Variants in MUC3A observed in about 807,000 individuals in gnomAD.
The protein encoded by MUC3A is mucin 3A, cell surface associated.
Under a neutral mutation model 109.0 loss-of-function variants are expected in MUC3A, and 109 were observed. That is an observed-to-expected ratio of 1.00 (90% CI 0.86 to 1.17). The LOEUF is 1.17. Ranked by LOEUF, MUC3A falls within the 50% of genes most tolerant of loss-of-function variation. The probability of loss-of-function intolerance (pLI) is 0.00; values close to 1 mark genes in which losing one functional copy is unlikely to be tolerated. For missense variants in MUC3A, 3,537 were observed against 2,469.4 expected, an observed-to-expected ratio of 1.43 and a Z score of -9.16; for synonymous variants, 1,398 against 981.4, an observed-to-expected ratio of 1.42 and a Z score of -7.93.
chr7:100,951,701 T>C (rs1290708978), intron 1 of MUC3A, 140 bp from the exon 2 acceptor site: 5 of 1,320,730 alleles, frequency 3.8e-6, no homozygotes, highest in Non-Finnish European at 4.1e-6. Context: ...AAGCTGCCTC[T>C]GATGCAGGAG....
Position 100,966,399 on chromosome 7 carries a change from G to T in MUC3A, c.9625G>T (p.Asp3209Tyr), listed in dbSNP as rs774691556. The T allele has an allele frequency of 8.2e-6, 11 of 1,343,346 alleles. No homozygotes were observed. Among genetic ancestry groups the T allele is most frequent in the Non-Finnish European group, 1.0e-5 (11 of 1,053,474 alleles). 83.2% of individuals were successfully genotyped at this position (1,343,346 alleles called of 1,614,324 possible). A position where few individuals can be genotyped will look rare whatever the true frequency, so the allele number is the denominator to read the frequency against. Reference sequence around the variant, plus strand: ...GATCTCCCGCAGCTGCTACTCCACCGACACGCACTGGTTCTCTGGCCCGCG... The same window carrying T: ...GATCTCCCGCAGCTGCTACTCCACCTACACGCACTGGTTCTCTGGCCCGCG... ...SGPTCRCYST[D>Y]THWFSGPRCE... The change falls in exon 9 of 12, where the codon GAC (aspartate) becomes TAC (tyrosine). Residue 3209 changes from aspartate to tyrosine, a missense_variant. Asp to Tyr is a radical substitution (Grantham distance 160, BLOSUM62 -3). Transcript: ENST00000379458.
In MUC3A at chr7:100,965,851, G is replaced by A; in HGVS notation, c.9596G>A (p.Ser3199Asn). The change falls in exon 8 of 12, where the codon AGC becomes AAC. Residue 3199 changes from serine (S) to asparagine (N), a missense_variant. Physicochemically the swap from Ser to Asn is conservative, Grantham distance 46. Transcript: ENST00000379458. ...CAGGGCCAGTGCGTTCTGGAGACGA[G>A]CGGTCCCACGTGTCGGTAAGGCCCC... ...CHQGQCVLETSGPTCRCYSTD... is the reference protein window; with the variant it reads ...CHQGQCVLETNGPTCRCYSTD... 6.3e-7 allele frequency: 1 copy of A among 1,594,474 alleles called. No homozygotes were observed. Among genetic ancestry groups the A allele is most frequent in the East Asian group, 2.2e-5 (1 of 44,790 alleles).
In MUC3A at chr7:100,958,518, G is replaced by C. The variant is rs1792167301; in HGVS notation, c.6739G>C (p.Glu2247Gln). The C allele has an allele frequency of 4.7e-6, 6 of 1,287,388 alleles. No individual in the cohort carries two copies. Among genetic ancestry groups the C allele is most frequent in the Non-Finnish European group, 5.5e-6 (5 of 901,658 alleles). The allele number at this position is 1,287,388 out of a possible 1,614,324, so 79.7% of individuals were successfully genotyped here. A position where few individuals can be genotyped will look rare whatever the true frequency, so the allele number is the denominator to read the frequency against. ...PGFTSSITTT[E>Q]TTSHSTPSFT... ...CTTCACTTCTTCAATCACCACCACTGAGACTACATCCCACAGTACTCCCAG... is the reference window on the plus strand; with the variant it reads ...CTTCACTTCTTCAATCACCACCACTCAGACTACATCCCACAGTACTCCCAG... Residue 2247 changes from glutamate to glutamine, a missense_variant, in exon 2 of 12, where the codon GAG becomes CAG. Physicochemically the swap from Glu to Gln is conservative, Grantham distance 29. Transcript: ENST00000379458.
intron 1 of MUC3A, among the ~76,000 whole-genome samples, chr7:100,950,922 A>T (rs79702292): frequency 1.2e-5 from 1 of 84,348 alleles, no homozygotes; most frequent in Non-Finnish European, 2.7e-5. Context: ...CTGCCTCTTC[A>T]CCTAGTCCTC....
At chr7:100,966,034 C>CACT in intron 8 of MUC3A, 168 bp downstream of exon 8, 1 of 752,038 alleles carries the variant, frequency 1.3e-6, no homozygotes, top group Non-Finnish European at 1.7e-6. Context: ...GAGCCCTGCC[C>CACT]TGGAGCTCTG....
chr7:100,959,388 A>G lies in MUC3A; in HGVS notation c.7609A>G (p.Thr2537Ala), dbSNP rs769899195. Residue 2537 changes from threonine (T) to alanine (A), a missense_variant, in exon 2 of 12, where the codon ACC (threonine) becomes GCC (alanine). Thr to Ala is a moderately conservative substitution (Grantham distance 58). Coordinates refer to ENST00000379458, the MANE Select transcript of MUC3A (RefSeq NM_005960.2). ...SSSPSIQSTE[T>A]SSLVGTTSPT... ...TTCTCCCTCCATCCAAAGTACAGAA[A>G]CCTCATCCCTTGTGGGCACCACCTC... The G allele has an allele frequency of 4.6e-6, 7 of 1,536,572 alleles. No homozygotes were observed. The highest frequency in any genetic ancestry group is 1.4e-5 in the African/African-American group (1 of 73,160).
chr7:100,949,539 C>T lies in MUC3A; in HGVS notation c.-86C>T. The T allele has an allele frequency of 8.5e-7, 1 of 1,172,844 alleles. No individual in the cohort carries two copies. The highest frequency in any genetic ancestry group is 1.1e-6 in the Non-Finnish European group (1 of 904,962). 72.7% of individuals were successfully genotyped at this position (1,172,844 alleles called of 1,614,324 possible). On this transcript the variant is annotated 5_prime_UTR_variant, in exon 1 of 12. Coordinates refer to ENST00000379458, the MANE Select transcript of MUC3A (RefSeq NM_005960.2). ...CAGCAAAACCGATAACCAGCACTTT[C>T]ATTACGTGCACGCCCCAGGGCCACG...
rs79952768 is a variant in MUC3A at position 100,949,552 on chromosome 7, C to T, written c.-73C>T. On this transcript the variant is annotated 5_prime_UTR_variant, in exon 1 of 12. Coordinates refer to ENST00000379458, the MANE Select transcript of MUC3A (RefSeq NM_005960.2). ...AACCAGCACTTTCATTACGTGCACG[C>T]CCCAGGGCCACGTCCCTGCCGCTGT... 1 of 1,084,508 alleles carries T rather than the reference C, an allele frequency of 9.2e-7. No homozygotes were observed. The highest frequency in any genetic ancestry group is 1.1e-6 in the Non-Finnish European group (1 of 874,548). 67.2% of individuals were successfully genotyped at this position (1,084,508 alleles called of 1,614,324 possible).
At chr7:100,964,645 G>A in intron 5 of MUC3A, 50 bp from the exon 6 acceptor site, 1 of 1,562,812 alleles carries the variant, frequency 6.4e-7, no homozygotes, top group East Asian at 2.3e-5. Flanking sequence ...CCCCTCCAAG[G>A]ACCCATATGT....
chr7:100,960,327 A>C lies in MUC3A; in HGVS notation c.8548A>C (p.Thr2850Pro). ...SSISPNASSSTGTGTVPTNTV... is the reference protein window; with the variant it reads ...SSISPNASSSPGTGTVPTNTV... ...CATCTCACCCAATGCTTCCAGTTCC[A>C]CTGGCACTGGGACTGTACCCACAAA... Residue 2850 changes from threonine to proline, a missense_variant, in exon 2 of 12, where the codon ACT becomes CCT. Thr to Pro is a conservative substitution (Grantham distance 38, BLOSUM62 -1). Coordinates refer to ENST00000379458, the MANE Select transcript of MUC3A (RefSeq NM_005960.2). 1 of 1,598,554 alleles carries C rather than the reference A, an allele frequency of 6.3e-7. No homozygotes were observed. The highest frequency in any genetic ancestry group is 8.5e-7 in the Non-Finnish European group (1 of 1,179,830).
rs1166498490 is a variant in MUC3A, at chr7:100,967,309, A to G, written c.*147A>G. 3.1e-6 allele frequency: 4 copies of G among 1,304,926 alleles called. No homozygotes were observed. In the East Asian group the frequency reaches 1.0e-4, roughly 33 times the overall value. The allele number at this position is 1,304,926 out of a possible 1,614,324, so 80.8% of individuals were successfully genotyped here. ...AGATGAGACTGTTCCCCCAAATCCC[A>G]TCCTTCTCCTTCCAACTTGGCTGAA... is the stretch of plus-strand genomic sequence containing the variant. On this transcript the variant is annotated 3_prime_UTR_variant, in exon 12 of 12. Transcript: ENST00000379458.
chr7:100,953,952 G>C lies in MUC3A; in HGVS notation c.2173G>C (p.Glu725Gln), dbSNP rs1480983169. 2,206 of 432,224 alleles carry C rather than the reference G, an allele frequency of 5.1e-3. No homozygotes were observed. Among genetic ancestry groups the C allele is most frequent in the African/African-American group, 0.014 (662 of 48,992 alleles). The allele number at this position is 432,224 out of a possible 1,614,324, so 26.8% of individuals were successfully genotyped here. Residue 725 changes from glutamate to glutamine, a missense_variant, in exon 2 of 12, where the codon GAA (glutamate) becomes CAA (glutamine). Physicochemically the swap from Glu to Gln is conservative, Grantham distance 29 (BLOSUM62 2). Transcript: ENST00000379458. ...PTGPGTNSTTEITYPTTMTET... is the reference protein window; with the variant it reads ...PTGPGTNSTTQITYPTTMTET... ...TGGTCCTGGTACAAACTCCACGACG[G>C]AAATCACCTATCCCACCACTATGAC...
rs1260582533 is a variant in MUC3A at position 100,953,267 on chromosome 7, C to T, written c.1488C>T (p.Thr496=). The change falls in exon 2 of 12, where the codon ACC becomes ACT. Residue 496 remains threonine, a synonymous_variant. Transcript: ENST00000379458. ...PSSPSIQNTE[T]SSLVSMTSAT... is the part of the protein sequence containing the mutation. ...CCCCCAGCATTCAGAATACAGAAACCTCATCCCTTGTCAGCATGACCTCTG... is the reference window on the plus strand; with the variant it reads ...CCCCCAGCATTCAGAATACAGAAACTTCATCCCTTGTCAGCATGACCTCTG... The T allele has an allele frequency of 1.8e-6, 1 of 545,778 alleles. No homozygotes were observed. Among genetic ancestry groups the T allele is most frequent in the Non-Finnish European group, 3.2e-6 (1 of 311,348 alleles). 33.8% of individuals were successfully genotyped at this position (545,778 alleles called of 1,614,324 possible).
chr7:100,964,140 A>G (rs1792441339), intron 5 of MUC3A: 5 of 3,940 alleles, frequency 1.3e-3, no homozygotes, highest in Non-Finnish European at 3.8e-3. Context: ...TTGATGCAAC[A>G]AGAAGAGAAC....
Position 100,958,667 on chromosome 7 carries a change from C to CATCGAG in MUC3A, c.6889_6890insTCGAGA (p.Thr2296_Thr2297insIleGlu). On this transcript the variant is annotated inframe_insertion, in exon 2 of 12. Coordinates refer to ENST00000379458, the MANE Select transcript of MUC3A (RefSeq NM_005960.2). ...CCAGCTCCACTTCTTTAATCACCAC[C>CATCGAG]ACCAAGACCACCTCACACAGTACTC... 1 of 1,532,808 alleles carries CATCGAG rather than the reference C, an allele frequency of 6.5e-7. No individual in the cohort carries two copies. Among genetic ancestry groups the CATCGAG allele is most frequent in the African/African-American group, 1.4e-5 (1 of 71,440 alleles). The allele number at this position is 1,532,808 out of a possible 1,614,324, so 95.0% of individuals were successfully genotyped here.
In MUC3A at chr7:100,958,496, C is replaced by G. The variant is rs1792166355; in HGVS notation, c.6717C>G (p.Phe2239Leu). 2 of 1,138,096 alleles carry G rather than the reference C, an allele frequency of 1.8e-6. No individual in the cohort carries two copies. Among genetic ancestry groups the G allele is most frequent in the Non-Finnish European group, 1.3e-6 (1 of 784,576 alleles). 70.5% of individuals were successfully genotyped at this position (1,138,096 alleles called of 1,614,324 possible). ...CCACATCCCACAGTACTCCCGGCTT[C>G]ACTTCTTCAATCACCACCACTGAGA... Reference protein sequence around the residue: ...TETTSHSTPGFTSSITTTETT... With the variant: ...TETTSHSTPGLTSSITTTETT... Residue 2239 changes from phenylalanine (F) to leucine (L), a missense_variant, in exon 2 of 12, where the codon TTC (phenylalanine) becomes TTG (leucine). Physicochemically the swap from Phe to Leu is conservative, Grantham distance 22. Transcript: ENST00000379458.
intron 5 of MUC3A, 131 bp from the exon 6 acceptor site, chr7:100,964,564 A>ACGTGGCATCCCAACT: frequency 7.2e-7 from 1 of 1,397,138 alleles, no homozygotes; most frequent in Non-Finnish European, 9.5e-7. Context: ...AAAAGGATGC[A>ACGTGGCATCCCAACT]CGTGGCATCC....
chr7:100,965,979 GT>G, intron 8 of MUC3A, 113 bp downstream of exon 8: 1 of 1,433,716 alleles, frequency 7.0e-7, no homozygotes, highest in Non-Finnish European at 9.2e-7. Context: ...GTGGAGCCTC[GT>G]CCCCAGAGTG....
intron 11 of MUC3A, 34 bp downstream of exon 11, chr7:100,966,985 C>A: frequency 6.3e-7 from 1 of 1,598,546 alleles, no homozygotes; most frequent in Non-Finnish European, 8.5e-7. Context: ...CCAAGGAACT[C>A]TCCCAGCCTC....
Sources: allele counts gnomAD v4.1 joint callset (sites outside exome capture counted in the v4.1 genomes callset), GRCh38; gene constraint gnomAD v4.1.1; transcripts MANE v1.5; gene names NCBI Gene and HGNC (gene_info 2026-07-23, HGNC 2026-07-21).